USP48: variants seen among roughly 807,000 people sequenced by gnomAD.
The protein encoded by USP48 is ubiquitin carboxyl-terminal hydrolase 48.
A neutral mutation model predicts 150.7 loss-of-function variants in USP48; 43 were observed. That is an observed-to-expected ratio of 0.29 (90% CI 0.22 to 0.37). The LOEUF (loss-of-function observed/expected upper bound fraction) is 0.37. Ranked by LOEUF, USP48 falls within the 10% of genes least tolerant of loss-of-function variation. USP48 has a pLI of 1.00. For synonymous variants in USP48, 396 were observed against 425.9 expected (o/e 0.93, Z 0.86); for missense variants, 813 against 1,249.6 (o/e 0.65, Z 5.27).
chr1:21,740,742 T>C (rs1018917807), intron 8 of USP48, among the ~76,000 whole-genome samples: 1 of 152,112 alleles, frequency 6.6e-6, no homozygotes. Context: ...AGCAAATACA[T>C]AAATAAAATT....
At chr1:21,753,265 A>G in intron 3 of USP48, 146 bp from the exon 4 acceptor site, 2 of 935,128 alleles carry the variant, frequency 2.1e-6, no homozygotes, top group Non-Finnish European at 3.0e-6. Context: ...ACTTTAAAAG[A>G]AATAGGCTGA....
chr1:21,776,708 C>A (rs2097899962), intron 1 of USP48, among the ~76,000 whole-genome samples: 1 of 151,308 alleles, frequency 6.6e-6, no homozygotes, highest in Non-Finnish European at 1.5e-5. Flanking sequence ...AATCCCAGCA[C>A]TTTGGGAGGC....
chr1:21,717,381 G>A (rs897907505), intron 14 of USP48, among the ~76,000 whole-genome samples: 1 of 151,932 alleles, frequency 6.6e-6, no homozygotes, highest in Non-Finnish European at 1.5e-5. Context: ...TCCAGCCAGG[G>A]TGAAAGAGAG....
At chr1:21,773,900 G>C (rs1322920852) in intron 1 of USP48, among the ~76,000 whole-genome samples, 1 of 152,150 alleles carries the variant, frequency 6.6e-6, no homozygotes, top group Admixed American at 6.6e-5. Flanking sequence ...CACTTTGGGA[G>C]GGCAAGGTGG....
chr1:21,690,115 A>C lies in USP48; in HGVS notation c.2884-16T>G. 1 of 1,608,364 alleles carries C rather than the reference A, an allele frequency of 6.2e-7. No individual in the cohort carries two copies. Among genetic ancestry groups the C allele is most frequent in the Non-Finnish European group, 8.5e-7 (1 of 1,176,948 alleles). Reference sequence around the variant, plus strand: ...CATGCATGATCTGTGCCAATATAAAAGAGAGAAAGTCCGTATAATGCAAAA... The same window carrying C: ...CATGCATGATCTGTGCCAATATAAACGAGAGAAAGTCCGTATAATGCAAAA... On this transcript the variant is annotated splice_polypyrimidine_tract_variant and intron_variant, in intron 23 of 26. Transcript: ENST00000308271.
At chr1:21,743,734 T>G (rs2097787322) in intron 8 of USP48, among the ~76,000 whole-genome samples, 1 of 152,172 alleles carries the variant, frequency 6.6e-6, no homozygotes, top group Non-Finnish European at 1.5e-5. Context: ...ACCAGAAATA[T>G]TTTTCTTTCT....
At chr1:21,754,939 C>G (rs2152596465) in intron 3 of USP48, among the ~76,000 whole-genome samples, 1 of 152,328 alleles carries the variant, frequency 6.6e-6, no homozygotes, top group East Asian at 1.9e-4. Flanking sequence ...GTCTGGATCT[C>G]AAGCCTGGGC....
At chr1:21,755,990 A>T (rs1571989081) in intron 3 of USP48, among the ~76,000 whole-genome samples, 1 of 151,664 alleles carries the variant, frequency 6.6e-6, no homozygotes, top group African/African-American at 2.4e-5. Context: ...ACATGGAGAA[A>T]CCCCGTCTCT....
intron 8 of USP48, among the ~76,000 whole-genome samples, chr1:21,744,515 C>T (rs969068791): frequency 1.2e-4 from 18 of 151,154 alleles, no homozygotes; most frequent in African/African-American, 4.4e-4. Context: ...GTGGGTCACG[C>T]CTGTAATTCC....
At chr1:21,769,150 C>T (rs1334677060) in intron 1 of USP48, among the ~76,000 whole-genome samples, 1 of 152,106 alleles carries the variant, frequency 6.6e-6, no homozygotes, top group African/African-American at 2.4e-5. Flanking sequence ...GATCAAGTAA[C>T]GTCAAATTAT....
intron 1 of USP48, among the ~76,000 whole-genome samples, chr1:21,765,141 T>C (rs764039297): frequency 2.6e-5 from 4 of 152,192 alleles, no homozygotes; most frequent in African/African-American, 4.8e-5. Context: ...AACAGCACAA[T>C]GGCAATGCCA....
intron 21 of USP48, among the ~76,000 whole-genome samples, chr1:21,701,944 CA>C (rs1321415754): frequency 6.6e-6 from 1 of 152,128 alleles, no homozygotes; most frequent in Non-Finnish European, 1.5e-5. Flanking sequence ...CACTGATTGC[CA>C]AGCCTTTTCA....
At chr1:21,685,142 T>C (rs1179739604) in intron 25 of USP48, among the ~76,000 whole-genome samples, 1 of 152,222 alleles carries the variant, frequency 6.6e-6, no homozygotes, top group Non-Finnish European at 1.5e-5. Flanking sequence ...ATGGTCATTT[T>C]AACAATATTA....
At chr1:21,752,954 T>A in intron 4 of USP48, 38 bp downstream of exon 4, 1 of 1,551,922 alleles carries the variant, frequency 6.4e-7, no homozygotes, top group Non-Finnish European at 8.6e-7. Context: ...TTTGGGTACC[T>A]CTGAATATTT....
intron 2 of USP48, 22 bp from the exon 3 acceptor site, chr1:21,756,724 A>T: frequency 6.2e-7 from 1 of 1,611,188 alleles, no homozygotes; most frequent in Non-Finnish European, 8.5e-7. Flanking sequence ...CAAAATTCAT[A>T]ATTATAAAAC....
chr1:21,703,257 C>T (rs1288703990), intron 21 of USP48, among the ~76,000 whole-genome samples: 1 of 152,156 alleles, frequency 6.6e-6, no homozygotes, highest in Non-Finnish European at 1.5e-5. Flanking sequence ...CACTGTATCC[C>T]CAGCACCTGG....
intron 1 of USP48, among the ~76,000 whole-genome samples, chr1:21,769,140 G>C (rs190035927): frequency 1.3e-5 from 2 of 152,266 alleles, no homozygotes; most frequent in African/African-American, 2.4e-5. Flanking sequence ...AAGTCATAGA[G>C]ATCAAGTAAC....
At chr1:21,690,214 A>T in intron 23 of USP48, 115 bp from the exon 24 acceptor site, 1 of 1,241,150 alleles carries the variant, frequency 8.1e-7, no homozygotes, top group Non-Finnish European at 1.1e-6. Flanking sequence ...TCAGAGTACA[A>T]AACCACTATT....
intron 8 of USP48, among the ~76,000 whole-genome samples, chr1:21,745,749 AGCAAAGT>A (rs2097793073): frequency 6.6e-6 from 1 of 152,218 alleles, no homozygotes; most frequent in African/African-American, 2.4e-5. Context: ...AGTCAAGTCA[AGCAAAGT>A]GCTCATTTCA....
Sources: gnomAD v4.1 joint callset for allele counts (sites outside exome capture counted in the v4.1 genomes callset) on GRCh38, gnomAD v4.1.1 for gene constraint, MANE v1.5 for transcripts, NCBI Gene and HGNC (gene_info 2026-07-23, HGNC 2026-07-21) for gene names.